Variants in ANKRD26 observed in about 807,000 individuals in gnomAD.
ANKRD26 encodes the protein ankyrin repeat domain 26, also known as ankyrin repeat domain-containing protein 26.
ANKRD26 carries 141 observed loss-of-function variants against 208.7 expected under a neutral mutation model. The observed-to-expected ratio is 0.68, with a 90% CI of 0.59 to 0.78. ANKRD26 has a LOEUF of 0.78. Ranked by LOEUF, ANKRD26 falls within the 30% of genes least tolerant of loss-of-function variation. The probability of loss-of-function intolerance (pLI) is 0.00; values close to 1 mark genes in which losing one functional copy is unlikely to be tolerated. For synonymous variants in ANKRD26, 636 were observed against 660.4 expected, an observed-to-expected ratio of 0.96 and a Z score of 0.57; for missense variants, 1,889 against 1,938.7, an observed-to-expected ratio of 0.97 and a Z score of 0.48.
intron 5 of ANKRD26, among the ~76,000 whole-genome samples, chr10:27,086,324 T>C (rs1307779135): frequency 6.6e-6 from 1 of 152,172 alleles, no homozygotes; most frequent in Non-Finnish European, 1.5e-5. Flanking sequence ...AGTAAATGAA[T>C]TTTTTTCAGA....
At chr10:27,028,710 G>C in intron 27 of ANKRD26, 142 bp downstream of exon 27, 1 of 678,780 alleles carries the variant, frequency 1.5e-6, no homozygotes, top group Non-Finnish European at 2.5e-6. Flanking sequence ...CATTATGTAT[G>C]TACAAATATT....
chr10:27,071,839 C>G (rs976232059), intron 9 of ANKRD26, among the ~76,000 whole-genome samples: 2 of 152,176 alleles, frequency 1.3e-5, no homozygotes, highest in African/African-American at 4.8e-5. Context: ...CTGGAGCTGA[C>G]TGAGTGAGCA....
chr10:27,051,838 A>C (rs1262022837), intron 16 of ANKRD26: 1 of 984,896 alleles, frequency 1.0e-6, no homozygotes, highest in Non-Finnish European at 1.2e-6. Flanking sequence ...TCATGTAGTG[A>C]CTCTTCCCCA....
At chr10:27,000,466 T>C (rs907635797), downstream of ANKRD26, among the ~76,000 whole-genome samples, 1 of 152,332 alleles carries the variant, frequency 6.6e-6, no homozygotes, top group Non-Finnish European at 1.5e-5. Flanking sequence ...GATACAATAC[T>C]GTCACTATTA....
At position 27,061,103 on chromosome 10, in the gene ANKRD26, T is replaced by A. The variant is rs967096513; in HGVS notation, c.1462+41A>T. 18 of 1,374,390 alleles carry A rather than the reference T, an allele frequency of 1.3e-5. No individual in the cohort carries two copies. The Admixed American group carries it at 2.5e-4, about 19-fold the overall frequency. The allele number at this position is 1,374,390 out of a possible 1,614,324, so 85.1% of individuals were successfully genotyped here. On this transcript the variant is annotated intron_variant, in intron 13 of 33. Coordinates refer to ENST00000376087, the MANE Select transcript of ANKRD26 (RefSeq NM_014915.3). ...ATTGATCAGCTTGGATATACACTTG[T>A]AGAATAACAGTTAACAAAAATACGC... is the stretch of plus-strand genomic sequence containing the variant.
At chr10:27,068,578 C>T (rs924800212) in intron 9 of ANKRD26, among the ~76,000 whole-genome samples, 1 of 152,068 alleles carries the variant, frequency 6.6e-6, no homozygotes, top group Non-Finnish European at 1.5e-5. Flanking sequence ...AACTGGAACA[C>T]AGTCAGAGGG....
chr10:27,062,377 T>C (rs2055090126), intron 12 of ANKRD26: 8 of 301,680 alleles, frequency 2.7e-5, no homozygotes, highest in Non-Finnish European at 3.9e-5. Flanking sequence ...AGGAAGTCTA[T>C]ACCCTTGTTA....
At chr10:27,007,839 AT>A (rs1402915741) in intron 32 of ANKRD26, among the ~76,000 whole-genome samples, 1 of 152,162 alleles carries the variant, frequency 6.6e-6, no homozygotes, top group African/African-American at 2.4e-5. Flanking sequence ...TCCTATCTAT[AT>A]ATTATAAATA....
the ANKRD26 span, among the ~76,000 whole-genome samples, chr10:26,949,919 C>T: frequency 6.6e-6 from 1 of 152,196 alleles, no homozygotes; most frequent in African/African-American, 2.4e-5. Flanking sequence ...GTCACCTACA[C>T]CTTTTTTCAC....
chr10:27,007,714 A>C (rs1019934825), intron 32 of ANKRD26, among the ~76,000 whole-genome samples: 2 of 152,228 alleles, frequency 1.3e-5, no homozygotes, highest in African/African-American at 2.4e-5. Context: ...TAAAATTTTA[A>C]AGTATGTTCT....
chr10:27,080,895 A>AC, intron 6 of ANKRD26: 1 of 985,244 alleles, frequency 1.0e-6, no homozygotes. Flanking sequence ...CCCCTGCCCT[A>AC]CCCTACATGT....
downstream of ANKRD26, among the ~76,000 whole-genome samples, chr10:26,988,469 G>GAGGCTGCCACGGGGGCTGTCAT (rs2052426344): frequency 6.6e-6 from 1 of 152,082 alleles, no homozygotes; most frequent in South Asian, 2.1e-4. Flanking sequence ...TAGAGCCTCA[G>GAGGCTGCCACGGGGGCTGTCAT]GGAAAAATTG....
At chr10:27,059,510 G>A (rs112018340) in intron 15 of ANKRD26, among the ~76,000 whole-genome samples, 5 of 152,158 alleles carry the variant, frequency 3.3e-5, no homozygotes, top group South Asian at 2.1e-4. Context: ...CGAATTCAGC[G>A]TGTTGGTTAC....
rs749435608 is a variant in ANKRD26, at chr10:27,053,059, TACTC to T, written c.1635+257_1635+260del. On this transcript the variant is annotated intron_variant, in intron 16 of 33. Transcript: ENST00000376087. The stretch of plus-strand genomic sequence containing the variant: ...GTTATAAAAATGAAAGAGGAAACAA[TACTC>T]AGGAAATTTCTGGCTTCAATTCCAA... 6.1e-4 allele frequency among the ~76,000 whole-genome samples: 93 copies of T among 152,240 alleles called. No individual in the cohort carries two copies. The Middle Eastern group carries it at 0.014, about 22-fold the overall frequency.
the ANKRD26 span, among the ~76,000 whole-genome samples, chr10:26,961,231 T>C: frequency 6.9e-6 from 1 of 144,320 alleles, no homozygotes; most frequent in Non-Finnish European, 1.5e-5. Flanking sequence ...AAAAAAAAAA[T>C]CCTAAGAAGA....
intron 31 of ANKRD26, among the ~76,000 whole-genome samples, chr10:27,014,174 A>G (rs1159272337): frequency 1.3e-5 from 2 of 152,130 alleles, no homozygotes; most frequent in Non-Finnish European, 2.9e-5. Flanking sequence ...ATTTATGGCA[A>G]TGCTGATAAG....
At position 27,100,329 on chromosome 10, in the gene ANKRD26, C is replaced by G. The variant is rs770929282; in HGVS notation, c.-3G>C. On this transcript the variant is annotated 5_prime_UTR_variant, in exon 1 of 34. Transcript: ENST00000376087. ...TTCTTACTAAAAATCTTCTTCATGGCCCAGGCGACCGGGCTTCAGAGACAC... is the reference window on the plus strand; with the variant it reads ...TTCTTACTAAAAATCTTCTTCATGGGCCAGGCGACCGGGCTTCAGAGACAC... The G allele has an allele frequency of 1.6e-5, 25 of 1,606,434 alleles. No homozygotes were observed. The Admixed American group carries it at 2.5e-4, about 16-fold the overall frequency.
chr10:26,960,677 G>C, the ANKRD26 span, among the ~76,000 whole-genome samples: 1 of 152,160 alleles, frequency 6.6e-6, no homozygotes, highest in African/African-American at 2.4e-5. Flanking sequence ...TCTTTTAAAG[G>C]AGAGAACTGT....
chr10:26,949,549 AGGCTGGAGTGCAGT>A, the ANKRD26 span, among the ~76,000 whole-genome samples: 1 of 152,184 alleles, frequency 6.6e-6, no homozygotes, highest in Non-Finnish European at 1.5e-5. Flanking sequence ...TCTGTCGCCC[AGGCTGGAGTGCAGT>A]GGCGAGATTT....
Sources: allele counts gnomAD v4.1 joint callset (sites outside exome capture counted in the v4.1 genomes callset), GRCh38; gene constraint gnomAD v4.1.1; transcripts MANE v1.5; gene names NCBI Gene and HGNC (gene_info 2026-07-23, HGNC 2026-07-21).